The following KCNH2 variants were observed in gnomAD, a reference collection of about 807,000 sequenced individuals.
The protein encoded by KCNH2 is potassium voltage-gated channel subfamily H member 2.
KCNH2 carries 35 observed loss-of-function variants against 95.9 expected under a neutral mutation model. The ratio of observed to expected loss-of-function variants is 0.37; its 90% CI spans 0.28 to 0.48. KCNH2 has a LOEUF of 0.48. Among genes scored for constraint, KCNH2 ranks in the 20% least tolerant of loss-of-function variants. KCNH2 has a pLI of 0.99. For synonymous variants in KCNH2, 786 were observed against 754.7 expected (o/e 1.04, Z -0.68); for missense variants, 1,274 against 1,702.9 (o/e 0.75, Z 4.43).
At chr7:150,955,414 G>A (rs1186062841) in intron 5 of KCNH2, 8 of 1,563,302 alleles carry the variant, frequency 5.1e-6, no homozygotes, top group Non-Finnish European at 6.9e-6. Context: ...CCACGAGGCT[G>A]GAGATGCGCA....
chr7:150,957,886 T>C (rs958804682), intron 4 of KCNH2, among the ~76,000 whole-genome samples, 173 bp downstream of exon 4: 9 of 152,166 alleles, frequency 5.9e-5, no homozygotes, highest in Non-Finnish European at 1.2e-4. Flanking sequence ...TGAATGGACA[T>C]TTAATAGCGC....
At chr7:150,956,036 G>T in intron 5 of KCNH2, 1 of 172,424 alleles carries the variant, frequency 5.8e-6, no homozygotes, top group Non-Finnish European at 1.2e-5. Context: ...CCGGTCCAGT[G>T]CTGAGCCAGC....
chr7:150,951,239 G>T, intron 7 of KCNH2, 119 bp from the exon 8 acceptor site: 1 of 1,034,030 alleles, frequency 9.7e-7, no homozygotes, highest in South Asian at 1.5e-5. Context: ...ATGCCCACGA[G>T]ACGCCCTTGT....
intron 2 of KCNH2, among the ~76,000 whole-genome samples, chr7:150,971,377 G>A (rs1191203898): frequency 1.3e-5 from 2 of 152,148 alleles, no homozygotes; most frequent in Non-Finnish European, 2.9e-5. Context: ...AACAGCCGCA[G>A]CATCAGCTGT....
At chr7:150,965,473 A>G (rs1801677775) in intron 2 of KCNH2, among the ~76,000 whole-genome samples, 1 of 152,108 alleles carries the variant, frequency 6.6e-6, no homozygotes, top group South Asian at 2.1e-4. Context: ...AAGGTGAAAC[A>G]AGGGCACGCT....
At chr7:150,975,278 C>T (rs955133305) in intron 1 of KCNH2, among the ~76,000 whole-genome samples, 2 of 152,184 alleles carry the variant, frequency 1.3e-5, no homozygotes, top group African/African-American at 4.8e-5. Context: ...TCAGCAGCCG[C>T]GGCGGAGGGA....
intron 2 of KCNH2, among the ~76,000 whole-genome samples, chr7:150,964,018 C>A (rs1045294064): frequency 2.0e-5 from 3 of 152,244 alleles, no homozygotes; most frequent in African/African-American, 7.2e-5. Context: ...GCCCAGCATC[C>A]CAACCCATCC....
rs1478602200 is a variant in KCNH2 at position 150,951,407 on chromosome 7, AC to A, written c.1945+40del. ...AGTTTCCTCCAACTTGGGTTCCTCC[AC>A]CGTGGGCTCTCCCCGCCGCCCGCCC... On this transcript the variant is annotated intron_variant, in intron 7 of 14. Coordinates refer to ENST00000262186, the MANE Select transcript of KCNH2 (RefSeq NM_000238.4). 3 of 1,611,318 alleles carry A rather than the reference AC, an allele frequency of 1.9e-6. No individual in the cohort carries two copies. In the Admixed American group the frequency reaches 5.0e-5, roughly 27 times the overall value.
chr7:150,947,831 C>G lies in KCNH2; in HGVS notation c.2740G>C (p.Gly914Arg), dbSNP rs1800972463. The change falls in exon 12 of 15, where the codon GGG becomes CGG. Residue 914 changes from glycine (G) to arginine (R), a missense_variant. Physicochemically the swap from Gly to Arg is moderately radical, Grantham distance 125. Transcript: ENST00000262186. Reference protein sequence around the residue: ...EVSALGPGRAGAGPSSRGRPG... With the variant: ...EVSALGPGRARAGPSSRGRPG... ...CGGCCCCGGCTACTCGGCCCTGCCC[C>G]CGCCCGGCCCGGCCCCAAGGCCGAC... The G allele has an allele frequency of 6.6e-7, 1 of 1,525,486 alleles. No individual in the cohort carries two copies. Among genetic ancestry groups the G allele is most frequent in the South Asian group, 1.2e-5 (1 of 82,204 alleles). The allele number at this position is 1,525,486 out of a possible 1,614,324, so 94.5% of individuals were successfully genotyped here.
rs978164205 is a variant in KCNH2 at position 150,945,632 on chromosome 7, G to A, written c.3331-118C>T. The A allele has an allele frequency of 1.8e-6, 2 of 1,105,230 alleles. No individual in the cohort carries two copies. Among genetic ancestry groups the A allele is most frequent in the African/African-American group, 3.1e-5 (2 of 64,326 alleles). The allele number at this position is 1,105,230 out of a possible 1,614,324, so 68.5% of individuals were successfully genotyped here. A position where few individuals can be genotyped will look rare whatever the true frequency, so the allele number is the denominator to read the frequency against. ...GACGGGAGGACAGGAGGGCCAAGAG[G>A]AGAGTCAGGTGGGCAGAGAAGCTGG... On this transcript the variant is annotated intron_variant, in intron 14 of 14. Transcript: ENST00000262186. This position sits in a 1 kb window ranked among gnomAD's most constrained non-coding sequence, Gnocchi z 5.6.
intron 7 of KCNH2, 83 bp downstream of exon 7, chr7:150,951,365 G>A (rs1334763640): frequency 6.4e-7 from 1 of 1,563,348 alleles, no homozygotes; most frequent in East Asian, 2.2e-5. Context: ...CCTCACTCTG[G>A]CCCGGCTAGC....
Position 150,948,452 on chromosome 7 carries a change from G to GTGCGCCTGCGGAAGGACAACT in KCNH2, c.2663_2683dup (p.Lys888_Arg894dup), listed in dbSNP as rs1554424632. ...CCCCTCCCCCGCCTCACCCTTGTCC[G>GTGCGCCTGCGGAAGGACAACT]TGCGCCTGCGGAAGGACAACTTGCG... On this transcript the variant is annotated inframe_insertion, in exon 11 of 15. Coordinates refer to ENST00000262186, the MANE Select transcript of KCNH2 (RefSeq NM_000238.4). The GTGCGCCTGCGGAAGGACAACT allele has an allele frequency of 1.6e-6, 2 of 1,230,732 alleles. No homozygotes were observed. The highest frequency in any genetic ancestry group is 2.2e-6 in the Non-Finnish European group (2 of 909,538). The allele number at this position is 1,230,732 out of a possible 1,614,324, so 76.2% of individuals were successfully genotyped here. A position where few individuals can be genotyped will look rare whatever the true frequency, so the allele number is the denominator to read the frequency against.
At chr7:150,957,259 G>T in intron 5 of KCNH2, 32 bp downstream of exon 5, 1 of 1,518,778 alleles carries the variant, frequency 6.6e-7, no homozygotes, top group Non-Finnish European at 9.0e-7. Flanking sequence ...CTCCTCCAAG[G>T]TGAGAGGAGA....
chr7:150,969,654 C>T (rs763506951), intron 2 of KCNH2, among the ~76,000 whole-genome samples: 5 of 152,206 alleles, frequency 3.3e-5, no homozygotes, highest in Non-Finnish European at 5.9e-5. Flanking sequence ...GCAAACAGTG[C>T]CGAGCTCTCG....
intron 9 of KCNH2, among the ~76,000 whole-genome samples, 191 bp from the exon 10 acceptor site, chr7:150,949,240 G>A (rs889304530): frequency 1.6e-4 from 25 of 151,942 alleles, no homozygotes; most frequent in African/African-American, 5.8e-4. Flanking sequence ...CAGCAGGCAC[G>A]ACAGTGCCAG....
chr7:150,955,828 C>A (rs1801355116), intron 5 of KCNH2: 1 of 1,100,902 alleles, frequency 9.1e-7, no homozygotes, highest in Non-Finnish European at 1.1e-6. Flanking sequence ...CTCCAGCCGG[C>A]CCCTCCTTCT....
Position 150,958,302 on chromosome 7 carries a change from G to C in KCNH2, c.673C>G (p.Leu225Val). ...VTAMDNHVAG[L>V]GPAEERRALV... ...GCACGCCGCTCCTCCGCGGGCCCGA[G>C]CCCTGCCACGTGGTTGTCCATGGCT... The change falls in exon 4 of 15, where the codon CTC (leucine) becomes GTC (valine). Residue 225 changes from leucine to valine, a missense_variant. Leu to Val is a conservative substitution (Grantham distance 32). This residue lies in a region of KCNH2 where 392 missense variants were observed against 429.9 expected (regional missense o/e 0.91). Coordinates refer to ENST00000262186, the MANE Select transcript of KCNH2 (RefSeq NM_000238.4). 1 of 1,477,866 alleles carries C rather than the reference G, an allele frequency of 6.8e-7. No homozygotes were observed. The highest frequency in any genetic ancestry group is 2.1e-4 in the Middle Eastern group (1 of 4,792). 91.5% of individuals were successfully genotyped at this position (1,477,866 alleles called of 1,614,324 possible). A position where few individuals can be genotyped will look rare whatever the true frequency, so the allele number is the denominator to read the frequency against.
rs1006425779 is a variant in KCNH2 at position 150,962,862 on chromosome 7, G to A, written c.308-3126C>T. On this transcript the variant is annotated intron_variant, in intron 2 of 14. Transcript: ENST00000262186. The surrounding 1 kb of genome is among the most constrained non-coding windows in gnomAD (Gnocchi z 5.7). ...ATAGGCCTGGGCTCTCAGAGGCACT[G>A]CCTGCAACCACCCTGCCGCGTCGGC... Among the ~76,000 whole-genome samples, 46 of 152,296 alleles carry A rather than the reference G, an allele frequency of 3.0e-4. No homozygotes were observed. The highest frequency in any genetic ancestry group is 1.5e-5 in the Non-Finnish European group (1 of 68,006).
At chr7:150,968,756 G>A (rs1801765618) in intron 2 of KCNH2, among the ~76,000 whole-genome samples, 1 of 152,186 alleles carries the variant, frequency 6.6e-6, no homozygotes, top group African/African-American at 2.4e-5. Context: ...GCAGCCTGCA[G>A]GGAGGGAAGG....
Sources: gnomAD v4.1 joint callset for allele counts (sites outside exome capture counted in the v4.1 genomes callset) on GRCh38, gnomAD v4.1.1 for gene constraint, gnomAD v4.1.1 regional missense constraint, Gnocchi (gnomAD v3.1) non-coding constraint, MANE v1.5 for transcripts, NCBI Gene and HGNC (gene_info 2026-07-23, HGNC 2026-07-21) for gene names.